Variants in MARK3 observed in about 807,000 individuals in gnomAD.
MARK3 encodes the protein microtubule affinity regulating kinase 3, also known as MAP/microtubule affinity-regulating kinase 3.
MARK3 carries 46 observed loss-of-function variants against 90.1 expected under a neutral mutation model. That is an observed-to-expected ratio of 0.51 (90% CI 0.40 to 0.65). MARK3 has a LOEUF of 0.65. Among genes scored for constraint, MARK3 ranks in the 30% least tolerant of loss-of-function variants. MARK3 has a pLI of 0.00. For synonymous variants in MARK3, 321 were observed against 332.6 expected (o/e 0.97, Z 0.38); for missense variants, 818 against 947.2 (o/e 0.86, Z 1.79).
At chr14:103,494,106 C>T (rs1008510751) in intron 15 of MARK3, among the ~76,000 whole-genome samples, 1 of 151,590 alleles carries the variant, frequency 6.6e-6, no homozygotes. Flanking sequence ...TGGTGGCGCT[C>T]GCCTGTAGTC....
chr14:103,464,970 C>A (rs891672935), intron 7 of MARK3, among the ~76,000 whole-genome samples: 2 of 150,880 alleles, frequency 1.3e-5, no homozygotes, highest in Non-Finnish European at 3.0e-5. Flanking sequence ...CCATATTATT[C>A]TTGTTTTTTG....
chr14:103,495,029 A>T (rs1002960958), intron 15 of MARK3, among the ~76,000 whole-genome samples: 3 of 152,184 alleles, frequency 2.0e-5, no homozygotes, highest in East Asian at 1.9e-4. Context: ...AATGAGTATC[A>T]TATATATACA....
intron 2 of MARK3, among the ~76,000 whole-genome samples, chr14:103,408,946 T>A (rs1372254806): frequency 6.6e-6 from 1 of 152,098 alleles, no homozygotes; most frequent in Non-Finnish European, 1.5e-5. Context: ...TTTCTTGAGA[T>A]AAGGAACGGT....
chr14:103,492,602 C>A (rs1319107620), intron 15 of MARK3, among the ~76,000 whole-genome samples: 1 of 152,048 alleles, frequency 6.6e-6, no homozygotes, highest in Non-Finnish European at 1.5e-5. Context: ...GGTTTATTAT[C>A]AAAAAATAAT....
intron 16 of MARK3, chr14:103,499,877 G>GCAGTGTGTGCAT (rs35078104): frequency 4.6e-6 from 2 of 437,880 alleles, no homozygotes; most frequent in Non-Finnish European, 4.2e-6. Context: ...GGTGTGTGCA[G>GCAGTGTGTGCAT]TGTGCAGCGT....
intron 12 of MARK3, among the ~76,000 whole-genome samples, chr14:103,473,573 T>C (rs2141725635): frequency 6.6e-6 from 1 of 152,336 alleles, no homozygotes; most frequent in Non-Finnish European, 1.5e-5. Context: ...TTGTTTTATA[T>C]GTTAAAATCA....
At chr14:103,467,003 TCAA>T (rs768311057) in intron 10 of MARK3, 73 bp from the exon 11 acceptor site, 1 of 511,026 alleles carries the variant, frequency 2.0e-6, no homozygotes, top group Non-Finnish European at 3.0e-6. Flanking sequence ...AAACTCCGTC[TCAA>T]AAAAAAAAAA....
At chr14:103,469,496 A>G (rs1004261988) in intron 12 of MARK3, among the ~76,000 whole-genome samples, 7 of 144,460 alleles carry the variant, frequency 4.8e-5, no homozygotes, top group East Asian at 2.1e-4. Context: ...TTATTTGTTT[A>G]TTTTTTGAGA....
chr14:103,411,979 T>A (rs1217792243), intron 2 of MARK3: 2 of 297,378 alleles, frequency 6.7e-6, no homozygotes, highest in Non-Finnish European at 1.2e-5. Flanking sequence ...CATTTACTCT[T>A]CCACATGAAT....
At chr14:103,421,554 G>A (rs958503797) in intron 2 of MARK3, among the ~76,000 whole-genome samples, 15 of 152,182 alleles carry the variant, frequency 9.9e-5, no homozygotes, top group Admixed American at 6.5e-5. Context: ...TAGCCTCATA[G>A]AGGCCAGAGG....
chr14:103,413,232 G>C (rs1442383876), intron 2 of MARK3, among the ~76,000 whole-genome samples: 1 of 151,984 alleles, frequency 6.6e-6, no homozygotes, highest in Non-Finnish European at 1.5e-5. Context: ...TTCAGGTTTT[G>C]TAACTTTTTT....
At chr14:103,397,219 G>A (rs1319573765) in intron 1 of MARK3, among the ~76,000 whole-genome samples, 2 of 151,896 alleles carry the variant, frequency 1.3e-5, no homozygotes, top group African/African-American at 4.8e-5. Context: ...TTAGCACCCC[G>A]TGTATATCAT....
chr14:103,503,475 C>T lies in MARK3; in HGVS notation c.*248C>T, dbSNP rs1477634818. 1.0e-5 allele frequency: 5 copies of T among 501,382 alleles called. No homozygotes were observed. Among genetic ancestry groups the T allele is most frequent in the Non-Finnish European group, 1.8e-5 (5 of 280,180 alleles). 31.1% of individuals were successfully genotyped at this position (501,382 alleles called of 1,614,324 possible). On this transcript the variant is annotated 3_prime_UTR_variant, in exon 18 of 18. Transcript: ENST00000429436. ...CCTGAGAGTCGGTGTGTGGCCCCAT[C>T]TCCATGTGCCTCCCGTCTGGGTGGG...
chr14:103,474,153 C>T (rs115691392), intron 12 of MARK3, among the ~76,000 whole-genome samples: 2,063 of 152,154 alleles, frequency 0.014, 52 homozygotes, highest in African/African-American at 0.046. Context: ...TACAGTGAGC[C>T]GCGATTGCGC....
At position 103,503,366 on chromosome 14, in the gene MARK3, T is replaced by C; in HGVS notation, c.*139T>C. 2 of 825,052 alleles carry C rather than the reference T, an allele frequency of 2.4e-6. No homozygotes were observed. Among genetic ancestry groups the C allele is most frequent in the Non-Finnish European group, 3.7e-6 (2 of 542,090 alleles). The allele number at this position is 825,052 out of a possible 1,614,324, so 51.1% of individuals were successfully genotyped here. A position where few individuals can be genotyped will look rare whatever the true frequency, so the allele number is the denominator to read the frequency against. On this transcript the variant is annotated 3_prime_UTR_variant, in exon 18 of 18. Coordinates refer to ENST00000429436, the MANE Select transcript of MARK3 (RefSeq NM_001128918.3). ...TAAAGTCTGAGGACGAGAGCACGCCTGGGAGCGAAAGCTGGCCTTTTTTCT... is the reference window on the plus strand; with the variant it reads ...TAAAGTCTGAGGACGAGAGCACGCCCGGGAGCGAAAGCTGGCCTTTTTTCT...
Position 103,466,098 on chromosome 14 carries a change from A to G in MARK3, c.897+7A>G. ...TAAACGCGGCACTCTAGAGGTAATCATGTAGGTGGAAACAAGCAGTAACTT... is the reference window on the plus strand; with the variant it reads ...TAAACGCGGCACTCTAGAGGTAATCGTGTAGGTGGAAACAAGCAGTAACTT... On this transcript the variant is annotated splice_region_variant and intron_variant, in intron 9 of 17. Transcript: ENST00000429436. The G allele has an allele frequency of 1.2e-6, 2 of 1,611,738 alleles. No homozygotes were observed.
intron 5 of MARK3, among the ~76,000 whole-genome samples, chr14:103,455,542 C>T (rs1417281999): frequency 6.6e-6 from 1 of 152,020 alleles, no homozygotes; most frequent in South Asian, 2.1e-4. Context: ...GCCTGGCCAA[C>T]GTGGTGAAAC....
chr14:103,500,276 G>C (rs1199606086), intron 17 of MARK3, 76 bp downstream of exon 17: 5 of 1,094,224 alleles, frequency 4.6e-6, no homozygotes, highest in Non-Finnish European at 6.6e-6. Flanking sequence ...ACTATTTTCT[G>C]AATGTTCCCT....
chr14:103,456,888 G>T (rs2273701), intron 5 of MARK3, among the ~76,000 whole-genome samples: 52,089 of 151,988 alleles, frequency 0.34, 9,404 homozygotes, highest in East Asian at 0.5. Context: ...TATTGAAAAC[G>T]CTCTTTAAAA....
Sources: gnomAD v4.1 joint callset for allele counts (sites outside exome capture counted in the v4.1 genomes callset) on GRCh38, gnomAD v4.1.1 for gene constraint, MANE v1.5 for transcripts, NCBI Gene and HGNC (gene_info 2026-07-23, HGNC 2026-07-21) for gene names.